Variants in TBC1D13 observed in about 807,000 individuals in gnomAD.
The protein encoded by TBC1D13 is epididymis secretory sperm binding protein.
A neutral mutation model predicts 53.6 loss-of-function variants in TBC1D13; 40 were observed. The observed-to-expected ratio is 0.75, with a 90% CI of 0.58 to 0.97. The LOEUF (loss-of-function observed/expected upper bound fraction) is 0.97, where lower values mean the gene tolerates loss of function less well. Among genes scored for constraint, TBC1D13 ranks in the 50% least tolerant of loss-of-function variants. The pLI is 0.00. For missense variants in TBC1D13, 377 were observed against 499.4 expected (o/e 0.75, Z 2.34); for synonymous variants, 182 against 197.7 (o/e 0.92, Z 0.67).
chr9:128,805,737 G>C (rs1011152753), intron 9 of TBC1D13, 122 bp from the exon 10 acceptor site: 2 of 1,141,560 alleles, frequency 1.8e-6, no homozygotes, highest in Non-Finnish European at 2.4e-6. Context: ...GCCAGCCCTG[G>C]TGCTCACACC....
chr9:128,791,215 G>A (rs1026731915), intron 3 of TBC1D13, among the ~76,000 whole-genome samples, 165 bp from the exon 4 acceptor site: 1 of 152,142 alleles, frequency 6.6e-6, no homozygotes, highest in Admixed American at 6.6e-5. Context: ...CAGTGGGGAG[G>A]AAGGGGGAGG....
In TBC1D13 at chr9:128,810,360, T is replaced by A. The variant is rs1025472077; in HGVS notation, c.*2481T>A. On this transcript the variant is annotated 3_prime_UTR_variant, in exon 12 of 12. Transcript: ENST00000372648. ...GAACGTTTGCTTTAGTTTTTTCATC[T>A]GTTTTGTTCCTTGAGTCAGTGCTGT... is the stretch of plus-strand genomic sequence containing the variant. 6.6e-6 allele frequency: 1 copy of A among 152,252 alleles called. No individual in the cohort carries two copies. Among genetic ancestry groups the A allele is most frequent in the Non-Finnish European group, 1.5e-5 (1 of 68,068 alleles). 9.4% of individuals were successfully genotyped at this position (152,252 alleles called of 1,614,324 possible). A position where few individuals can be genotyped will look rare whatever the true frequency, so the allele number is the denominator to read the frequency against.
chr9:128,803,301 G>A lies in TBC1D13; in HGVS notation c.595G>A (p.Val199Met). The part of the protein sequence containing the change: ...SVPSSLNEYE[V>M]LPNGCEAHWE... ...GCCATCATCCCTAAATGAGTATGAG[G>A]TGCTGCCCAATGGCTGTGAGGCCCA... Residue 199 changes from valine (V) to methionine (M), a missense_variant, in exon 8 of 12, where the codon GTG (valine) becomes ATG (methionine). Transcript: ENST00000372648. 1 of 1,614,190 alleles carries A rather than the reference G, an allele frequency of 6.2e-7. No individual in the cohort carries two copies. Among genetic ancestry groups the A allele is most frequent in the Non-Finnish European group, 8.5e-7 (1 of 1,180,042 alleles).
At chr9:128,789,212 A>G (rs541828891) in intron 2 of TBC1D13, among the ~76,000 whole-genome samples, 4 of 149,300 alleles carry the variant, frequency 2.7e-5, no homozygotes, top group African/African-American at 7.5e-5. Flanking sequence ...AATCCCAGCT[A>G]CTCGGGAGGC....
chr9:128,806,193 T>G, intron 10 of TBC1D13, 61 bp from the exon 11 acceptor site: 2 of 1,610,446 alleles, frequency 1.2e-6, no homozygotes, highest in South Asian at 2.2e-5. Flanking sequence ...GAGGGAGGAG[T>G]GGGCAGGGCC....
chr9:128,796,450 C>T (rs1462485928), intron 6 of TBC1D13, among the ~76,000 whole-genome samples: 3 of 151,934 alleles, frequency 2.0e-5, no homozygotes, highest in Non-Finnish European at 4.4e-5. Flanking sequence ...GGAGTTTCTC[C>T]ATGTTGGTCA....
At chr9:128,789,568 C>T (rs896914867) in intron 2 of TBC1D13, among the ~76,000 whole-genome samples, 1 of 151,864 alleles carries the variant, frequency 6.6e-6, no homozygotes, top group South Asian at 2.1e-4. Flanking sequence ...ACGACAATTA[C>T]GTTAATCTTC....
Position 128,807,884 on chromosome 9 carries a change from G to T in TBC1D13, c.*5G>T. The stretch of plus-strand genomic sequence containing the variant: ...GAGCTCCAAGACTCAAAGTAGCCCG[G>T]CGGCAAGAGGCCCATGTTCCGGAGA... On this transcript the variant is annotated 3_prime_UTR_variant, in exon 12 of 12. Coordinates refer to ENST00000372648, the MANE Select transcript of TBC1D13 (RefSeq NM_018201.5). The T allele has an allele frequency of 6.2e-7, 1 of 1,614,098 alleles. No individual in the cohort carries two copies. The highest frequency in any genetic ancestry group is 1.1e-5 in the South Asian group (1 of 91,086).
intron 11 of TBC1D13, 65 bp from the exon 12 acceptor site, chr9:128,807,749 A>G: frequency 6.5e-7 from 1 of 1,536,406 alleles, no homozygotes; most frequent in Admixed American, 1.7e-5. Context: ...CCCAGCAGGG[A>G]GGGTGTGGGT....
rs370332487 is a variant in TBC1D13, at chr9:128,803,490, C to A, written c.754+30C>A. ...GAAGGCTCTTGGTGCCCACATCCCTCGTTGCTGGCCCGTGTCAGGCTGTGC... is the reference window on the plus strand; with the variant it reads ...GAAGGCTCTTGGTGCCCACATCCCTAGTTGCTGGCCCGTGTCAGGCTGTGC... On this transcript the variant is annotated intron_variant, in intron 8 of 11. Coordinates refer to ENST00000372648, the MANE Select transcript of TBC1D13 (RefSeq NM_018201.5). 2.5e-6 allele frequency: 4 copies of A among 1,604,410 alleles called. No individual in the cohort carries two copies. In the South Asian group the frequency reaches 4.4e-5, roughly 18 times the overall value.
rs372241305 is a variant in TBC1D13, at chr9:128,797,040, G to A, written c.384-15G>A. On this transcript the variant is annotated splice_polypyrimidine_tract_variant and intron_variant, in intron 6 of 11. Transcript: ENST00000372648. The stretch of plus-strand genomic sequence containing the variant: ...ACCTTGAGTAACAAGATTATTTCCT[G>A]TTCCCTCTTGACAGGAGGTTGTGCC... 3.1e-6 allele frequency: 5 copies of A among 1,613,532 alleles called. No individual in the cohort carries two copies. The highest frequency in any genetic ancestry group is 4.2e-6 in the Non-Finnish European group (5 of 1,179,698).
intron 7 of TBC1D13, among the ~76,000 whole-genome samples, chr9:128,799,617 G>A (rs556297702): frequency 1.8e-4 from 28 of 152,334 alleles, no homozygotes; most frequent in African/African-American, 6.5e-4. Flanking sequence ...GGAGTGGCCC[G>A]ACATTTCTGA....
intron 3 of TBC1D13, 117 bp downstream of exon 3, chr9:128,790,892 GGGAGC>G: frequency 8.8e-7 from 1 of 1,134,114 alleles, no homozygotes; most frequent in Non-Finnish European, 1.2e-6. Flanking sequence ...GCTTGTCTGA[GGGAGC>G]TTTTCTGGGA....
intron 7 of TBC1D13, among the ~76,000 whole-genome samples, chr9:128,800,435 A>G (rs987991128): frequency 1.4e-5 from 2 of 146,598 alleles, no homozygotes; most frequent in Non-Finnish European, 3.0e-5. Context: ...CAGTGGCACA[A>G]TCTTGGCGCT....
chr9:128,807,091 G>GTT (rs143057849), intron 11 of TBC1D13, among the ~76,000 whole-genome samples: 41,112 of 141,610 alleles, frequency 0.29, 6,724 homozygotes, highest in African/African-American at 0.45. Context: ...CTTTGTTGTT[G>GTT]TTTTTTTTTT....
Position 128,797,122 on chromosome 9 carries a change from C to A in TBC1D13, c.451C>A (p.Pro151Thr). 1.9e-6 allele frequency: 3 copies of A among 1,613,948 alleles called. No individual in the cohort carries two copies. Among genetic ancestry groups the A allele is most frequent in the Non-Finnish European group, 1.7e-6 (2 of 1,179,968 alleles). Residue 151 changes from proline (P) to threonine (T), a missense_variant, in exon 7 of 12, where the codon CCC becomes ACC. Transcript: ENST00000372648. ...CTACCCTTGCCTCCTCATCCTGGAC[C>A]CCCAGAATGAGTTTGAAACCCTTCG... Reference protein sequence around the residue: ...TDYPCLLILDPQNEFETLRKR... With the variant: ...TDYPCLLILDTQNEFETLRKR...
At chr9:128,788,277 G>T (rs1829464876) in intron 1 of TBC1D13, 57 bp from the exon 2 acceptor site, 1 of 1,498,628 alleles carries the variant, frequency 6.7e-7, no homozygotes. Flanking sequence ...TGAGGGCTGT[G>T]GGTCTCACTG....
intron 8 of TBC1D13, 90 bp downstream of exon 8, chr9:128,803,550 C>T (rs1829775443): frequency 3.2e-6 from 4 of 1,254,950 alleles, no homozygotes; most frequent in Non-Finnish European, 3.4e-6. Flanking sequence ...TGTTCTCCCT[C>T]TGCCAGATGA....
At chr9:128,799,705 G>C (rs1030006208) in intron 7 of TBC1D13, among the ~76,000 whole-genome samples, 1 of 152,216 alleles carries the variant, frequency 6.6e-6, no homozygotes, top group African/African-American at 2.4e-5. Context: ...AGGAATACCT[G>C]TACAGCATTG....
Sources: gnomAD v4.1 joint callset for allele counts (sites outside exome capture counted in the v4.1 genomes callset) on GRCh38, gnomAD v4.1.1 for gene constraint, MANE v1.5 for transcripts, NCBI Gene and HGNC (gene_info 2026-07-23, HGNC 2026-07-21) for gene names.